CDC14B: variants seen among roughly 807,000 people sequenced by gnomAD.
CDC14B encodes the protein dual specificity protein phosphatase CDC14B.
Under a neutral mutation model 64.2 loss-of-function variants are expected in CDC14B, and 22 were observed. That is an observed-to-expected ratio of 0.34 (90% CI 0.24 to 0.49). The LOEUF (loss-of-function observed/expected upper bound fraction) is 0.49. Among genes scored for constraint, CDC14B ranks in the 20% least tolerant of loss-of-function variants. The pLI, the probability that CDC14B is intolerant of heterozygous loss-of-function variation, is 0.99. For missense variants in CDC14B, 498 were observed against 629.9 expected, an observed-to-expected ratio of 0.79 and a Z score of 2.24; for synonymous variants, 191 against 215.8, an observed-to-expected ratio of 0.89 and a Z score of 1.01.
At chr9:96,544,639 T>C (rs1461740306) in intron 5 of CDC14B, among the ~76,000 whole-genome samples, 3 of 151,908 alleles carry the variant, frequency 2.0e-5, no homozygotes, top group African/African-American at 7.3e-5. Context: ...GGACCAAAGG[T>C]GCACACCACC....
At chr9:96,586,607 A>C (rs572034699) in intron 1 of CDC14B, among the ~76,000 whole-genome samples, 1 of 152,044 alleles carries the variant, frequency 6.6e-6, no homozygotes, top group South Asian at 2.1e-4. Flanking sequence ...GCTAATTTTT[A>C]AATTTTTTTG....
At position 96,583,512 on chromosome 9, in the gene CDC14B, T is replaced by TCAGTCTCAAGAGTAGCTGGGACTA. The variant is rs1845289532; in HGVS notation, c.161-18053_161-18030dup. Among the ~76,000 whole-genome samples the TCAGTCTCAAGAGTAGCTGGGACTA allele has an allele frequency of 3.3e-5, 5 of 151,214 alleles. No homozygotes were observed. In the South Asian group the frequency reaches 8.3e-4, roughly 25 times the overall value. On this transcript the variant is annotated intron_variant, in intron 1 of 13. Transcript: ENST00000375241. ...TCCGGGTTCAAGCGATTCTCCTGCC[T>TCAGTCTCAAGAGTAGCTGGGACTA]CAGTCTCAAGAGTAGCTGGGACTAC...
intron 9 of CDC14B, among the ~76,000 whole-genome samples, chr9:96,530,431 AT>A (rs755667991): frequency 0.054 from 6,981 of 129,518 alleles, 514 homozygotes; most frequent in African/African-American, 0.18. Context: ...CGCCCGGCTA[AT>A]TTTTTTTTTT....
At chr9:96,616,969 A>AT (rs1847670986) in intron 1 of CDC14B, among the ~76,000 whole-genome samples, 1 of 152,014 alleles carries the variant, frequency 6.6e-6, no homozygotes, top group Non-Finnish European at 1.5e-5. Flanking sequence ...ATTAAGTATC[A>AT]TTTTTCCAGG....
intron 1 of CDC14B, among the ~76,000 whole-genome samples, chr9:96,569,724 A>G (rs535354874): frequency 6.6e-6 from 1 of 152,154 alleles, no homozygotes; most frequent in East Asian, 1.9e-4. Flanking sequence ...TCCCAGGCTC[A>G]AGCGATTCTC....
At chr9:96,521,675 T>G (rs988600816) in intron 12 of CDC14B, among the ~76,000 whole-genome samples, 1 of 152,190 alleles carries the variant, frequency 6.6e-6, no homozygotes, top group Non-Finnish European at 1.5e-5. Context: ...AAATGGTATA[T>G]TATATCATAC....
At position 96,515,727 on chromosome 9, in the gene CDC14B, T is replaced by A; in HGVS notation, c.1344-5938A>T. 1 of 1,606,362 alleles carries A rather than the reference T, an allele frequency of 6.2e-7. No homozygotes were observed. The highest frequency in any genetic ancestry group is 1.1e-5 in the South Asian group (1 of 89,410). On this transcript the variant is annotated intron_variant, in intron 12 of 13. Transcript: ENST00000375241. The surrounding 1 kb of genome is among the most constrained non-coding windows in gnomAD (Gnocchi z 4.3). ...ACAGAATAGCAGGATGGGAAGAATG[T>A]AGTCACAAACAATCCACCAGATGAC...
chr9:96,568,101 T>C (rs1844226976), intron 1 of CDC14B, among the ~76,000 whole-genome samples: 1 of 152,170 alleles, frequency 6.6e-6, no homozygotes, highest in African/African-American at 2.4e-5. Flanking sequence ...TTTCATTCCC[T>C]CCTGTATTTT....
chr9:96,566,698 C>A (rs1161601935), intron 1 of CDC14B: 1 of 1,480,402 alleles, frequency 6.8e-7, no homozygotes, highest in Non-Finnish European at 9.3e-7. Context: ...ACCTCCAAGC[C>A]AGCACTGCCC....
chr9:96,610,619 A>G (rs776499405), intron 1 of CDC14B, among the ~76,000 whole-genome samples: 25 of 151,832 alleles, frequency 1.6e-4, no homozygotes, highest in Non-Finnish European at 2.9e-4. Flanking sequence ...CTATTAGTCA[A>G]ATAAATGTCT....
chr9:96,572,144 G>A (rs1411055833), intron 1 of CDC14B, among the ~76,000 whole-genome samples: 1 of 152,164 alleles, frequency 6.6e-6, no homozygotes, highest in African/African-American at 2.4e-5. Flanking sequence ...AGAAGCTCCT[G>A]CATTTGGGAC....
intron 1 of CDC14B, among the ~76,000 whole-genome samples, chr9:96,573,700 A>G (rs1479506345): frequency 1.3e-5 from 2 of 152,220 alleles, no homozygotes; most frequent in African/African-American, 4.8e-5. Flanking sequence ...ATGAAACCTG[A>G]CATGCTAATA....
At chr9:96,548,799 T>C (rs1358120747) in intron 5 of CDC14B, among the ~76,000 whole-genome samples, 1 of 150,608 alleles carries the variant, frequency 6.6e-6, no homozygotes, top group African/African-American at 2.4e-5. Flanking sequence ...AGAATCTGTC[T>C]TTAAAAAAAA....
At chr9:96,578,026 T>C (rs551120469) in intron 1 of CDC14B, among the ~76,000 whole-genome samples, 7 of 152,320 alleles carry the variant, frequency 4.6e-5, no homozygotes, top group African/African-American at 1.7e-4. Context: ...ATTCCATTTA[T>C]GTAGATTTGA....
intron 1 of CDC14B, among the ~76,000 whole-genome samples, chr9:96,598,039 A>G (rs1846199331): frequency 6.6e-6 from 1 of 152,212 alleles, no homozygotes; most frequent in African/African-American, 2.4e-5. Context: ...TTGTGTGGCA[A>G]ACACAAAGCA....
exon 14 of CDC14B, chr9:96,492,084 G>C (rs1428296278): frequency 6.6e-6 from 1 of 152,336 alleles, no homozygotes; most frequent in Non-Finnish European, 1.5e-5. Flanking sequence ...GACTCCTCAG[G>C]TGCTTGTGAC....
intron 1 of CDC14B, among the ~76,000 whole-genome samples, chr9:96,567,901 T>C (rs116339208): frequency 6.6e-6 from 1 of 152,218 alleles, no homozygotes; most frequent in African/African-American, 2.4e-5. Context: ...GTGCATTGCC[T>C]GCCTGTATCA....
intron 1 of CDC14B, among the ~76,000 whole-genome samples, chr9:96,575,498 A>G (rs956385158): frequency 2.0e-5 from 3 of 152,340 alleles, no homozygotes; most frequent in East Asian, 3.9e-4. Flanking sequence ...GAAGAACTAT[A>G]TAAGTTTTCA....
At chr9:96,592,810 A>AC (rs1469313889) in intron 1 of CDC14B, among the ~76,000 whole-genome samples, 69 of 152,306 alleles carry the variant, frequency 4.5e-4, no homozygotes, top group African/African-American at 1.6e-3. Context: ...CTAAACAAGG[A>AC]CATTAATAAA....
Sources: gnomAD v4.1 joint callset for allele counts (sites outside exome capture counted in the v4.1 genomes callset) on GRCh38, gnomAD v4.1.1 for gene constraint, Gnocchi (gnomAD v3.1) non-coding constraint, MANE v1.5 for transcripts, NCBI Gene and HGNC (gene_info 2026-07-23, HGNC 2026-07-21) for gene names.